The following HMBOX1 variants were observed in gnomAD, a reference collection of about 807,000 sequenced individuals.
HMBOX1 encodes the protein homeobox containing 1.
Under a neutral mutation model 54.5 loss-of-function variants are expected in HMBOX1, and 14 were observed. The ratio of observed to expected loss-of-function variants is 0.26; its 90% CI spans 0.17 to 0.40. HMBOX1 has a LOEUF of 0.40. Ranked by LOEUF, HMBOX1 falls within the 10% of genes least tolerant of loss-of-function variation. HMBOX1 has a pLI of 1.00. For synonymous variants in HMBOX1, 160 were observed against 181.0 expected (o/e 0.88, Z 0.93); for missense variants, 332 against 514.4 (o/e 0.65, Z 3.43).
intron 1 of HMBOX1, among the ~76,000 whole-genome samples, chr8:28,900,798 T>A (rs1486088435): frequency 6.6e-6 from 1 of 152,128 alleles, no homozygotes; most frequent in African/African-American, 2.4e-5. Flanking sequence ...GTTTTTTTTG[T>A]TTGTTTTTTA....
rs79735800 is a variant in HMBOX1, at chr8:28,949,504, T to C, written c.-57-14307T>C. On this transcript the variant is annotated intron_variant, in intron 1 of 9. Transcript: ENST00000287701. ...GCAGTGGATACTTAATAAATTCTTA[T>C]TAATTATCTTGGAAAATGTTCCAAT... Among the ~76,000 whole-genome samples, 293 of 152,356 alleles carry C rather than the reference T, an allele frequency of 1.9e-3. 6 individuals are homozygous for C. In the East Asian group the frequency reaches 0.047, roughly 25 times the overall value.
At chr8:28,909,689 CA>C (rs576665919) in intron 1 of HMBOX1, among the ~76,000 whole-genome samples, 2 of 148,134 alleles carry the variant, frequency 1.4e-5, no homozygotes, top group African/African-American at 2.5e-5. Context: ...CTATGAAGAC[CA>C]AAAAAAAATG....
At chr8:28,961,325 C>T (rs1374308610) in intron 1 of HMBOX1, among the ~76,000 whole-genome samples, 1 of 152,142 alleles carries the variant, frequency 6.6e-6, no homozygotes, top group East Asian at 1.9e-4. Context: ...ACATTTTCAT[C>T]CTCACAGATT....
rs148288550 is a variant in HMBOX1, at chr8:28,929,150, G to T, written c.-57-34661G>T. Among the ~76,000 whole-genome samples, 157 of 152,260 alleles carry T rather than the reference G, an allele frequency of 1.0e-3. 7 individuals are homozygous for T. In the East Asian group the frequency reaches 0.029, roughly 28 times the overall value. The stretch of plus-strand genomic sequence containing the variant: ...TATTTGTCTCTTATGCCCCAATAAA[G>T]TTTTGGGGAAATAAATCTGAGAGGC... On this transcript the variant is annotated intron_variant, in intron 1 of 9. Transcript: ENST00000287701.
chr8:28,950,316 G>T (rs372073552), intron 1 of HMBOX1, among the ~76,000 whole-genome samples: 1 of 152,110 alleles, frequency 6.6e-6, no homozygotes. Flanking sequence ...GCTTATAAAA[G>T]ACTTACATGT....
At chr8:28,926,304 T>TATATACACACAC (rs796953426) in intron 1 of HMBOX1, among the ~76,000 whole-genome samples, 1 of 142,136 alleles carries the variant, frequency 7.0e-6, no homozygotes, top group African/African-American at 2.6e-5. Flanking sequence ...TATATATATA[T>TATATACACACAC]ACACACACAC....
At chr8:28,956,759 T>C (rs1425421252) in intron 1 of HMBOX1, among the ~76,000 whole-genome samples, 1 of 152,242 alleles carries the variant, frequency 6.6e-6, no homozygotes, top group Non-Finnish European at 1.5e-5. Context: ...AGTCCACTTT[T>C]GGTTTTCTTC....
rs35597688 is a variant in HMBOX1, at chr8:29,026,043, T to TACACACAC, written c.851+7162_851+7169dup. On this transcript the variant is annotated intron_variant, in intron 6 of 9. Coordinates refer to ENST00000287701, the MANE Select transcript of HMBOX1 (RefSeq NM_001135726.3). ...CACAAACTACCTACTTGCTACCATG[T>TACACACAC]ACACACACACACACACACACACACA... Among the ~76,000 whole-genome samples, 388 of 143,578 alleles carry TACACACAC rather than the reference T, an allele frequency of 2.7e-3. 4 individuals carry two copies. The highest frequency in any genetic ancestry group is 9.5e-3 in the East Asian group (46 of 4,836). 94.2% of individuals were successfully genotyped at this position (143,578 alleles called of 152,430 possible). A position where few individuals can be genotyped will look rare whatever the true frequency, so the allele number is the denominator to read the frequency against.
chr8:29,004,325 A>T (rs1833109534), intron 4 of HMBOX1, among the ~76,000 whole-genome samples: 1 of 152,224 alleles, frequency 6.6e-6, no homozygotes, highest in Non-Finnish European at 1.5e-5. Context: ...AAGCTAGCAA[A>T]GCAGCCCTGA....
At chr8:28,944,591 A>T (rs780643514) in intron 1 of HMBOX1, among the ~76,000 whole-genome samples, 4 of 152,220 alleles carry the variant, frequency 2.6e-5, no homozygotes, top group Non-Finnish European at 4.4e-5. Flanking sequence ...TGGATCAAAC[A>T]TCTTAACCTG....
intron 4 of HMBOX1, among the ~76,000 whole-genome samples, chr8:28,993,687 A>T (rs1183136142): frequency 2.0e-5 from 3 of 152,222 alleles, no homozygotes; most frequent in Non-Finnish European, 4.4e-5. Flanking sequence ...TTTTAAAAAC[A>T]AATATTATGT....
chr8:28,932,427 A>G (rs1819631322), intron 1 of HMBOX1, among the ~76,000 whole-genome samples: 1 of 152,230 alleles, frequency 6.6e-6, no homozygotes, highest in East Asian at 1.9e-4. Context: ...ATTAGTAGAC[A>G]CTGATAGACA....
At chr8:28,928,567 A>G (rs1009155199) in intron 1 of HMBOX1, among the ~76,000 whole-genome samples, 2 of 152,234 alleles carry the variant, frequency 1.3e-5, no homozygotes, top group African/African-American at 4.8e-5. Context: ...TCTCAGGTTC[A>G]TTTCAGAATT....
intron 1 of HMBOX1, among the ~76,000 whole-genome samples, chr8:28,894,577 C>T (rs891907291): frequency 6.6e-6 from 1 of 152,260 alleles, no homozygotes; most frequent in African/African-American, 2.4e-5. Flanking sequence ...AGCATGGATT[C>T]CTAGGTGCAG....
At chr8:28,980,030 C>T (rs759933674) in intron 3 of HMBOX1, 41 bp from the exon 4 acceptor site, 1 of 1,409,392 alleles carries the variant, frequency 7.1e-7, no homozygotes, top group Non-Finnish European at 1.0e-6. Context: ...GGATTTCTAC[C>T]TTCAACATAC....
At chr8:29,012,109 G>A (rs2132878869) in intron 5 of HMBOX1, among the ~76,000 whole-genome samples, 1 of 152,250 alleles carries the variant, frequency 6.6e-6, no homozygotes, top group African/African-American at 2.4e-5. Flanking sequence ...ACAGCAATTG[G>A]GTATTAGCAA....
At chr8:28,933,344 A>G (rs1819812061) in intron 1 of HMBOX1, among the ~76,000 whole-genome samples, 1 of 152,222 alleles carries the variant, frequency 6.6e-6, no homozygotes, top group African/African-American at 2.4e-5. Flanking sequence ...CTCTTGATTC[A>G]GAGACCTGTC....
chr8:29,041,881 A>G (rs1357556939), intron 6 of HMBOX1, among the ~76,000 whole-genome samples: 1 of 152,162 alleles, frequency 6.6e-6, no homozygotes, highest in Non-Finnish European at 1.5e-5. Flanking sequence ...GATAGTGACT[A>G]GAGATGTGCT....
chr8:29,016,824 A>G (rs990908861), intron 5 of HMBOX1, among the ~76,000 whole-genome samples: 10 of 152,366 alleles, frequency 6.6e-5, no homozygotes, highest in Admixed American at 1.3e-4. Flanking sequence ...ATAAGAGAGA[A>G]AGCATCCAAG....
Sources: allele counts gnomAD v4.1 joint callset (sites outside exome capture counted in the v4.1 genomes callset), GRCh38; gene constraint gnomAD v4.1.1; transcripts MANE v1.5; gene names NCBI Gene and HGNC (gene_info 2026-07-23, HGNC 2026-07-21).